Variants in PCDHGA10 observed in about 807,000 individuals in gnomAD.
PCDHGA10 encodes protocadherin gamma-A10.
A neutral mutation model predicts 59.5 loss-of-function variants in PCDHGA10; 42 were observed. The ratio of observed to expected loss-of-function variants is 0.71; its 90% CI spans 0.55 to 0.91. PCDHGA10 has a LOEUF of 0.91. Among genes scored for constraint, PCDHGA10 ranks in the 40% least tolerant of loss-of-function variants. The pLI, the probability that PCDHGA10 is intolerant of heterozygous loss-of-function variation, is 0.00. For synonymous variants in PCDHGA10, 511 were observed against 517.2 expected, an observed-to-expected ratio of 0.99 and a Z score of 0.16; for missense variants, 1,111 against 1,198.2, an observed-to-expected ratio of 0.93 and a Z score of 1.07.
chr5:141,512,241 G>A lies in PCDHGA10; in HGVS notation c.*1068G>A, dbSNP rs533051658. On this transcript the variant is annotated 3_prime_UTR_variant, in exon 4 of 4. Coordinates refer to ENST00000398610, the MANE Select transcript of PCDHGA10 (RefSeq NM_018913.3). ...CCAGGTCCCCTTGAGAGGTCAGAGGGGCCTCTGTGGGTGCTGGGTACTCCA... is the reference window on the plus strand; with the variant it reads ...CCAGGTCCCCTTGAGAGGTCAGAGGAGCCTCTGTGGGTGCTGGGTACTCCA... 1 of 152,866 alleles carries A rather than the reference G, an allele frequency of 6.5e-6. No individual in the cohort carries two copies. The highest frequency in any genetic ancestry group is 2.1e-4 in the South Asian group (1 of 4,824). 9.5% of individuals were successfully genotyped at this position (152,866 alleles called of 1,614,324 possible).
At chr5:141,459,300 A>G (rs954766370) in intron 1 of PCDHGA10, among the ~76,000 whole-genome samples, 2 of 152,202 alleles carry the variant, frequency 1.3e-5, no homozygotes, top group Non-Finnish European at 2.9e-5. Context: ...ATCCTATAAC[A>G]TATACTATTT....
chr5:141,500,493 G>A (rs1239876467), intron 2 of PCDHGA10, among the ~76,000 whole-genome samples: 1 of 152,166 alleles, frequency 6.6e-6, no homozygotes, highest in Admixed American at 6.5e-5. Context: ...ACAGGCGTGA[G>A]CCACCGCGCC....
rs1011341002 is a variant in PCDHGA10, at chr5:141,476,141, G to T, written c.2437-18666G>T. 1 of 1,610,048 alleles carries T rather than the reference G, an allele frequency of 6.2e-7. No individual in the cohort carries two copies. The highest frequency in any genetic ancestry group is 2.2e-5 in the East Asian group (1 of 44,844). On this transcript the variant is annotated intron_variant, in intron 1 of 3. Coordinates refer to ENST00000398610, the MANE Select transcript of PCDHGA10 (RefSeq NM_018913.3). The surrounding 1 kb of genome is among the most constrained non-coding windows in gnomAD (Gnocchi z 7.6). ...GATGGTCCCAGAGGCCTGGAGGAGC[G>T]GACTGGTAAGCACCGGGAGGGTAGT...
At chr5:141,433,128 C>T (rs773994964) in intron 1 of PCDHGA10, 3 of 1,614,158 alleles carry the variant, frequency 1.9e-6, no homozygotes, top group Non-Finnish European at 1.7e-6. Flanking sequence ...AAAAGCGAGC[C>T]CCTTTTGCTG....
chr5:141,421,207 A>G (rs1318794693), intron 1 of PCDHGA10: 3 of 1,533,934 alleles, frequency 2.0e-6, no homozygotes, highest in Non-Finnish European at 2.6e-6. Context: ...GAAACCGCGG[A>G]ATATCGGCTT....
At chr5:141,506,172 TG>T (rs2099850913) in intron 3 of PCDHGA10, among the ~76,000 whole-genome samples, 1 of 152,128 alleles carries the variant, frequency 6.6e-6, no homozygotes, top group South Asian at 2.1e-4. Flanking sequence ...CAGCCTAAGC[TG>T]GGCGTGGTGG....
chr5:141,458,385 C>T (rs1371423838), intron 1 of PCDHGA10, among the ~76,000 whole-genome samples: 15 of 152,104 alleles, frequency 9.9e-5, no homozygotes, highest in East Asian at 1.9e-4. Context: ...AGAAGGAAGA[C>T]GCTCCCCCTT....
In PCDHGA10 at chr5:141,421,081, A is replaced by C. The variant is rs775366249; in HGVS notation, c.2436+5470A>C. 61 of 637,820 alleles carry C rather than the reference A, an allele frequency of 9.6e-5. 1 individual carries two copies. The Middle Eastern group carries it at 2.9e-3, about 31-fold the overall frequency. The allele number at this position is 637,820 out of a possible 1,614,324, so 39.5% of individuals were successfully genotyped here. ...ACAAAGCGGAATGAGATGGATACTCACAGATCCTGACACTGGAGACTTAGA... is the reference window on the plus strand; with the variant it reads ...ACAAAGCGGAATGAGATGGATACTCCCAGATCCTGACACTGGAGACTTAGA... On this transcript the variant is annotated intron_variant, in intron 1 of 3. Coordinates refer to ENST00000398610, the MANE Select transcript of PCDHGA10 (RefSeq NM_018913.3).
At position 141,431,098 on chromosome 5, in the gene PCDHGA10, A is replaced by G; in HGVS notation, c.2436+15487A>G. The G allele has an allele frequency of 6.2e-7, 1 of 1,614,260 alleles. No homozygotes were observed. The highest frequency in any genetic ancestry group is 8.5e-7 in the Non-Finnish European group (1 of 1,180,040). On this transcript the variant is annotated intron_variant, in intron 1 of 3. Transcript: ENST00000398610. This position sits in a 1 kb window ranked among gnomAD's most constrained non-coding sequence, Gnocchi z 4.8. ...ATCTAGACATTCTGATGGAGGATAA[A>G]GTGAAAATATATGGAGTAGAAGTAG...
rs1330658153 is a variant in PCDHGA10 at position 141,413,722 on chromosome 5, T to TCC, written c.549_550dup (p.Leu184ProfsTer2). ...TCAGCTCAGCCCCAATAAGCACTTC[T>TCC]CCCTAAGAGTTCAGAGCCGTGCCAA... On this transcript the variant is annotated frameshift_variant, in exon 1 of 4. Coordinates refer to ENST00000398610, the MANE Select transcript of PCDHGA10 (RefSeq NM_018913.3). LOFTEE classifies it high-confidence loss of function. 1 of 1,613,450 alleles carries TCC rather than the reference T, an allele frequency of 6.2e-7. No homozygotes were observed.
At position 141,487,116 on chromosome 5, in the gene PCDHGA10, A is replaced by G. The variant is rs749256818; in HGVS notation, c.2437-7691A>G. On this transcript the variant is annotated intron_variant, in intron 1 of 3. Transcript: ENST00000398610. This position sits in a 1 kb window ranked among gnomAD's most constrained non-coding sequence, Gnocchi z 5.0. ...CCACAGAAGCTGGTCATTGTGGTAA[A>G]GGATAGTGGTAGTCCACCACTCTCT... The G allele has an allele frequency of 3.1e-6, 5 of 1,614,022 alleles. No individual in the cohort carries two copies.
In PCDHGA10 at chr5:141,476,331, C is replaced by T; in HGVS notation, c.2437-18476C>T. On this transcript the variant is annotated intron_variant, in intron 1 of 3. Transcript: ENST00000398610. This position sits in a 1 kb window ranked among gnomAD's most constrained non-coding sequence, Gnocchi z 7.6. Reference sequence around the variant, plus strand: ...CGCAGGTTCCGGGTGGTGTCTGGAGCTAGCCGAAGATTCTTTGAGGTGAAC... The same window carrying T: ...CGCAGGTTCCGGGTGGTGTCTGGAGTTAGCCGAAGATTCTTTGAGGTGAAC... 1.2e-6 allele frequency: 2 copies of T among 1,614,156 alleles called. No individual in the cohort carries two copies. Among genetic ancestry groups the T allele is most frequent in the Non-Finnish European group, 1.7e-6 (2 of 1,180,042 alleles).
intron 1 of PCDHGA10, chr5:141,428,257 G>T: frequency 1.2e-6 from 1 of 865,866 alleles, no homozygotes; most frequent in South Asian, 1.4e-5. Context: ...AGACTTCAGT[G>T]ACAGTCCTGT....
chr5:141,426,642 G>T, intron 1 of PCDHGA10: 1 of 411,420 alleles, frequency 2.4e-6, no homozygotes, highest in South Asian at 1.7e-5. Context: ...TCACATAAAT[G>T]TGATGATAGA....
rs1561964279 is a variant in PCDHGA10 at position 141,456,201 on chromosome 5, A to G, written c.2437-38606A>G. 2.0e-5 allele frequency among the ~76,000 whole-genome samples: 3 copies of G among 152,228 alleles called. No homozygotes were observed. The South Asian group carries it at 6.2e-4, about 32-fold the overall frequency. On this transcript the variant is annotated intron_variant, in intron 1 of 3. Coordinates refer to ENST00000398610, the MANE Select transcript of PCDHGA10 (RefSeq NM_018913.3). ...ATAATTTCTTAATAACTCCTACCAC[A>G]TTCCTCCCTGTGGCGATATCAAACT...
intron 1 of PCDHGA10, chr5:141,416,744 A>G (rs1480936949): frequency 2.0e-5 from 3 of 152,210 alleles, no homozygotes; most frequent in Non-Finnish European, 4.4e-5. Context: ...GAAAATAGTG[A>G]CGTATTAGGT....
rs1416883218 is a variant in PCDHGA10, at chr5:141,428,027, G to A, written c.2436+12416G>A. On this transcript the variant is annotated intron_variant, in intron 1 of 3. Coordinates refer to ENST00000398610, the MANE Select transcript of PCDHGA10 (RefSeq NM_018913.3). ...TCGATATAGTGCCACGCGCCGCAGAGTCCGGCTACCTGGTGACCAAGGTGG... is the reference window on the plus strand; with the variant it reads ...TCGATATAGTGCCACGCGCCGCAGAATCCGGCTACCTGGTGACCAAGGTGG... 1.9e-6 allele frequency: 3 copies of A among 1,606,742 alleles called. No homozygotes were observed. The Admixed American group carries it at 5.0e-5, about 27-fold the overall frequency.
intron 1 of PCDHGA10, chr5:141,478,023 A>G (rs2099428714): frequency 6.2e-7 from 1 of 1,614,112 alleles, no homozygotes; most frequent in South Asian, 1.1e-5. Flanking sequence ...CCAGTCCAAG[A>G]CACAGATTCA....
chr5:141,453,364 G>A (rs921978865), intron 1 of PCDHGA10, among the ~76,000 whole-genome samples: 4 of 151,814 alleles, frequency 2.6e-5, no homozygotes, highest in African/African-American at 9.7e-5. Flanking sequence ...GAACTCCTGG[G>A]GTCAAGTGAT....
Sources: gnomAD v4.1 joint callset for allele counts (sites outside exome capture counted in the v4.1 genomes callset) on GRCh38, gnomAD v4.1.1 for gene constraint, Gnocchi (gnomAD v3.1) non-coding constraint, MANE v1.5 for transcripts, NCBI Gene and HGNC (gene_info 2026-07-23, HGNC 2026-07-21) for gene names.